Variants in PHYHIP observed in about 807,000 individuals in gnomAD.
PHYHIP encodes the protein phytanoyl-CoA hydroxylase-interacting protein.
Under a neutral mutation model 26.1 loss-of-function variants are expected in PHYHIP, and 7 were observed. The ratio of observed to expected loss-of-function variants is 0.27; its 90% CI spans 0.15 to 0.50. The LOEUF (loss-of-function observed/expected upper bound fraction) is 0.50, where lower values mean the gene tolerates loss of function less well. Ranked by LOEUF, PHYHIP falls within the 20% of genes least tolerant of loss-of-function variation. The pLI is 0.98. For missense variants in PHYHIP, 232 were observed against 454.7 expected, an observed-to-expected ratio of 0.51 and a Z score of 4.45; for synonymous variants, 206 against 183.4, an observed-to-expected ratio of 1.12 and a Z score of -1.00.
At chr8:22,230,450 C>T (rs539192622) in intron 1 of PHYHIP, among the ~76,000 whole-genome samples, 122 of 152,244 alleles carry the variant, frequency 8.0e-4, no homozygotes, top group Non-Finnish European at 1.3e-3. Context: ...GACATCCCCC[C>T]GCTAGCTTGG....
chr8:22,221,904 G>T lies in PHYHIP; in HGVS notation c.459-17C>A. The T allele has an allele frequency of 6.7e-7, 1 of 1,489,208 alleles. No homozygotes were observed. The highest frequency in any genetic ancestry group is 1.3e-5 in the South Asian group (1 of 74,904). 92.2% of individuals were successfully genotyped at this position (1,489,208 alleles called of 1,614,324 possible). ...CAGTGGGTCCTGCCCACCCCAGGGA[G>T]ACACACCAAAGGGAAGAGAAGATGT... On this transcript the variant is annotated splice_polypyrimidine_tract_variant and intron_variant, in intron 4 of 4. Coordinates refer to ENST00000454243, the MANE Select transcript of PHYHIP (RefSeq NM_014759.5). This position sits in a 1 kb window ranked among gnomAD's most constrained non-coding sequence, Gnocchi z 7.9.
Position 22,221,635 on chromosome 8 carries a change from C to G in PHYHIP, c.711G>C (p.Leu237=). ...CCAGGGAGCCTTTGGGCGCCAGCACCAGGATGGCGTAGTGGTAGGCCGTGT... is the reference window on the plus strand; with the variant it reads ...CCAGGGAGCCTTTGGGCGCCAGCACGAGGATGGCGTAGTGGTAGGCCGTGT... The part of the protein sequence containing the change: ...CMYTAYHYAI[L]VLAPKGSLGD... The change falls in exon 5 of 5, where the codon CTG becomes CTC. Residue 237 remains leucine, a synonymous_variant. Transcript: ENST00000454243. The surrounding 1 kb of genome is among the most constrained non-coding windows in gnomAD (Gnocchi z 7.9). 6.2e-7 allele frequency: 1 copy of G among 1,613,430 alleles called. No individual in the cohort carries two copies. Among genetic ancestry groups the G allele is most frequent in the Non-Finnish European group, 8.5e-7 (1 of 1,179,760 alleles).
chr8:22,228,409 G>C (rs565705698), intron 1 of PHYHIP, 23 bp from the exon 2 acceptor site: 1 of 1,429,178 alleles, frequency 7.0e-7, no homozygotes, highest in Non-Finnish European at 9.6e-7. Context: ...GAAAGGGTCA[G>C]TACATCCCTT....
rs957644798 is a variant in PHYHIP, at chr8:22,221,195, C to T, written c.*158G>A. 6 of 667,566 alleles carry T rather than the reference C, an allele frequency of 9.0e-6. No individual in the cohort carries two copies. The Admixed American group carries it at 1.5e-4, about 17-fold the overall frequency. 41.4% of individuals were successfully genotyped at this position (667,566 alleles called of 1,614,324 possible). A position where few individuals can be genotyped will look rare whatever the true frequency, so the allele number is the denominator to read the frequency against. On this transcript the variant is annotated 3_prime_UTR_variant, in exon 5 of 5. Transcript: ENST00000454243. This position sits in a 1 kb window ranked among gnomAD's most constrained non-coding sequence, Gnocchi z 7.9. ...TGGGCCACACTTACCAAGAGGACCA[C>T]CGTCTGTTGCCTCCAATGCCAAGGG...
chr8:22,222,749 A>G (rs1829656304), intron 4 of PHYHIP, among the ~76,000 whole-genome samples: 1 of 152,224 alleles, frequency 6.6e-6, no homozygotes, highest in Non-Finnish European at 1.5e-5. Flanking sequence ...TCGCTGATAA[A>G]GGAGCCCAAA....
intron 3 of PHYHIP, among the ~76,000 whole-genome samples, chr8:22,226,639 C>T (rs1052042671): frequency 4.6e-5 from 7 of 152,264 alleles, no homozygotes; most frequent in African/African-American, 1.7e-4. Context: ...TAGTGGGGTT[C>T]GCATTTGCCT....
At chr8:22,222,809 G>A (rs1395775464) in intron 4 of PHYHIP, among the ~76,000 whole-genome samples, 1 of 152,158 alleles carries the variant, frequency 6.6e-6, no homozygotes, top group Non-Finnish European at 1.5e-5. Flanking sequence ...TGCAATCACA[G>A]CTCACTGCAA....
chr8:22,224,117 G>C, intron 4 of PHYHIP, 109 bp downstream of exon 4: 1 of 724,434 alleles, frequency 1.4e-6, no homozygotes, highest in South Asian at 1.5e-5. Context: ...CTAGAGGAGG[G>C]ACTGGCAGCC....
intron 1 of PHYHIP, chr8:22,228,630 A>T: frequency 3.6e-6 from 1 of 276,888 alleles, no homozygotes; most frequent in Non-Finnish European, 6.8e-6. Flanking sequence ...GGCACCTGAC[A>T]GGTGGCAGAG....
chr8:22,221,438 C>T lies in PHYHIP; in HGVS notation c.908G>A (p.Ser303Asn), dbSNP rs1431815252. Residue 303 changes from serine to asparagine, a missense_variant, in exon 5 of 5, where the codon AGT becomes AAT. By Grantham distance (46) the Ser-to-Asn change is conservative. Coordinates refer to ENST00000454243, the MANE Select transcript of PHYHIP (RefSeq NM_014759.5). The surrounding 1 kb of genome is among the most constrained non-coding windows in gnomAD (Gnocchi z 7.9). ...AGACAGACTCATGAGCTGGTGCCCA[C>T]TGATCTCCCCCAGGGTGCCCAGGGA... Reference protein sequence around the residue: ...DLSLGTLGEISGHQLMSLSTA... With the variant: ...DLSLGTLGEINGHQLMSLSTA... 6.2e-7 allele frequency: 1 copy of T among 1,614,000 alleles called. No homozygotes were observed. Among genetic ancestry groups the T allele is most frequent in the African/African-American group, 1.3e-5 (1 of 74,944 alleles).
chr8:22,227,819 A>G, intron 2 of PHYHIP: 1 of 428,524 alleles, frequency 2.3e-6, no homozygotes, highest in Non-Finnish European at 4.6e-6. Context: ...GGCTTTGTCG[A>G]GACTTGAGAC....
intron 2 of PHYHIP, chr8:22,227,518 CCCACG>C: frequency 2.3e-6 from 1 of 436,492 alleles, no homozygotes; most frequent in Non-Finnish European, 4.6e-6. Context: ...GGGTGAGTAA[CCCACG>C]CCGGTGCCGT....
intron 2 of PHYHIP, among the ~76,000 whole-genome samples, chr8:22,227,279 T>A (rs927811292): frequency 1.4e-4 from 22 of 152,220 alleles, no homozygotes; most frequent in African/African-American, 5.3e-4. Flanking sequence ...AGCCACAAAG[T>A]TGAGGACGGC....
At position 22,226,861 on chromosome 8, in the gene PHYHIP, G is replaced by A. The variant is rs1374859858; in HGVS notation, c.330C>T (p.Phe110=). The A allele has an allele frequency of 1.2e-6, 2 of 1,612,936 alleles. No homozygotes were observed. Among genetic ancestry groups the A allele is most frequent in the Non-Finnish European group, 8.5e-7 (1 of 1,179,508 alleles). The change falls in exon 3 of 5, where the codon TTC becomes TTT. Residue 110 remains phenylalanine (F), a synonymous_variant. Coordinates refer to ENST00000454243, the MANE Select transcript of PHYHIP (RefSeq NM_014759.5). ...ATAGCAGGGCCTCACCCCCAGTGCAGAACTCCACCGTCTCGCTCCAGCCGG... is the reference window on the plus strand; with the variant it reads ...ATAGCAGGGCCTCACCCCCAGTGCAAAACTCCACCGTCTCGCTCCAGCCGG... ...LVSGWSETVE[F]CTGDYAKEHL...
chr8:22,222,190 G>T (rs1450390516), intron 4 of PHYHIP, among the ~76,000 whole-genome samples: 2 of 151,936 alleles, frequency 1.3e-5, no homozygotes, highest in Non-Finnish European at 2.9e-5. Flanking sequence ...TGATCTCTGT[G>T]GTCTCCTTGC....
rs1829764092 is a variant in PHYHIP, at chr8:22,227,121, T to C, written c.166-96A>G. The C allele has an allele frequency of 1.1e-5, 12 of 1,117,644 alleles. 1 individual carries two copies. In the South Asian group the frequency reaches 1.9e-4, roughly 18 times the overall value. 69.2% of individuals were successfully genotyped at this position (1,117,644 alleles called of 1,614,324 possible). A position where few individuals can be genotyped will look rare whatever the true frequency, so the allele number is the denominator to read the frequency against. ...AGAATCCCCACTCCCCAGATGGCCCTGTTTCTCCTGAGCAGGACCAATCTT... is the reference window on the plus strand; with the variant it reads ...AGAATCCCCACTCCCCAGATGGCCCCGTTTCTCCTGAGCAGGACCAATCTT... On this transcript the variant is annotated intron_variant, in intron 2 of 4. Coordinates refer to ENST00000454243, the MANE Select transcript of PHYHIP (RefSeq NM_014759.5).
chr8:22,230,799 T>A (rs892181788), intron 1 of PHYHIP, among the ~76,000 whole-genome samples: 1 of 152,104 alleles, frequency 6.6e-6, no homozygotes, highest in African/African-American at 2.4e-5. Context: ...CTCTTCAATC[T>A]GTCACCTCCA....
intron 4 of PHYHIP, among the ~76,000 whole-genome samples, chr8:22,222,941 T>C (rs908814217): frequency 2.6e-5 from 4 of 152,182 alleles, no homozygotes; most frequent in African/African-American, 9.7e-5. Flanking sequence ...AGATCCCATC[T>C]CGGCCTCCCA....
chr8:22,227,885 C>T (rs1829783497), intron 2 of PHYHIP, among the ~76,000 whole-genome samples: 1 of 152,264 alleles, frequency 6.6e-6, no homozygotes, highest in African/African-American at 2.4e-5. Flanking sequence ...TCTGCCCCTG[C>T]CTGAAGTCTC....
Sources: allele counts gnomAD v4.1 joint callset (sites outside exome capture counted in the v4.1 genomes callset), GRCh38; gene constraint gnomAD v4.1.1; non-coding constraint Gnocchi (gnomAD v3.1); transcripts MANE v1.5; gene names NCBI Gene and HGNC (gene_info 2026-07-23, HGNC 2026-07-21).